LMNTD1: variants seen among roughly 807,000 people sequenced by gnomAD.
LMNTD1 encodes the protein lamin tail domain-containing protein 1.
Under a neutral mutation model 50.9 loss-of-function variants are expected in LMNTD1, and 35 were observed. That is an observed-to-expected ratio of 0.69 (90% CI 0.53 to 0.91). The LOEUF (loss-of-function observed/expected upper bound fraction) is 0.91, where lower values mean the gene tolerates loss of function less well. Ranked by LOEUF, LMNTD1 falls within the 40% of genes least tolerant of loss-of-function variation. LMNTD1 has a pLI of 0.00. For missense variants in LMNTD1, 470 were observed against 475.5 expected, an observed-to-expected ratio of 0.99 and a Z score of 0.11; for synonymous variants, 153 against 161.9, an observed-to-expected ratio of 0.94 and a Z score of 0.42.
At chr12:25,486,579 T>C (rs1323100432) in intron 9 of LMNTD1, among the ~76,000 whole-genome samples, 2 of 145,946 alleles carry the variant, frequency 1.4e-5, no homozygotes, top group Admixed American at 7.0e-5. Flanking sequence ...CCCTGTCTTG[T>C]GCCAGTTTTC....
chr12:25,534,184 C>T (rs1464413931), intron 4 of LMNTD1, among the ~76,000 whole-genome samples: 1 of 151,996 alleles, frequency 6.6e-6, no homozygotes, highest in African/African-American at 2.4e-5. Flanking sequence ...AAACAAATCC[C>T]TAGAGATAGT....
intron 4 of LMNTD1, among the ~76,000 whole-genome samples, chr12:25,530,764 A>G (rs1184558922): frequency 6.6e-6 from 1 of 152,208 alleles, no homozygotes; most frequent in Non-Finnish European, 1.5e-5. Context: ...AGCTGTCCAA[A>G]GATGTCTATC....
intron 1 of LMNTD1, among the ~76,000 whole-genome samples, chr12:25,646,230 G>A (rs1947067926): frequency 6.6e-6 from 1 of 151,450 alleles, no homozygotes; most frequent in Admixed American, 6.6e-5. Context: ...CAGGCCTGTT[G>A]TTCATTGACA....
chr12:25,502,048 A>C (rs1342790538), intron 9 of LMNTD1, among the ~76,000 whole-genome samples: 1 of 152,212 alleles, frequency 6.6e-6, no homozygotes, highest in Non-Finnish European at 1.5e-5. Flanking sequence ...TTTTTTAAAA[A>C]ATCAAAGCTA....
chr12:25,567,752 G>A (rs1392245031), intron 1 of LMNTD1, among the ~76,000 whole-genome samples: 1 of 152,058 alleles, frequency 6.6e-6, no homozygotes, highest in African/African-American at 2.4e-5. Flanking sequence ...CACCATGATT[G>A]TAAGTTCCCT....
intron 1 of LMNTD1, among the ~76,000 whole-genome samples, chr12:25,594,577 A>C (rs1945791525): frequency 6.7e-6 from 1 of 150,276 alleles, no homozygotes; most frequent in Non-Finnish European, 1.5e-5. Flanking sequence ...TAAATCTTGA[A>C]ACAAATCCTG....
chr12:25,529,153 T>G (rs560270220), intron 4 of LMNTD1, among the ~76,000 whole-genome samples: 1 of 152,266 alleles, frequency 6.6e-6, no homozygotes, highest in South Asian at 2.1e-4. Context: ...CTGTTTTGCC[T>G]CTATCAGTTT....
intron 8 of LMNTD1, among the ~76,000 whole-genome samples, chr12:25,509,177 G>A (rs1431490788): frequency 2.0e-5 from 3 of 152,066 alleles, no homozygotes; most frequent in Non-Finnish European, 2.9e-5. Flanking sequence ...GCGTGATCTC[G>A]GCTCACTGCA....
At chr12:25,506,703 C>T (rs1243381411) in intron 8 of LMNTD1, among the ~76,000 whole-genome samples, 1 of 150,556 alleles carries the variant, frequency 6.6e-6, no homozygotes, top group Non-Finnish European at 1.5e-5. Flanking sequence ...TGTGCTCTAA[C>T]AGCTCCTGGT....
intron 1 of LMNTD1, among the ~76,000 whole-genome samples, chr12:25,563,969 G>A (rs1194214001): frequency 6.6e-6 from 1 of 152,180 alleles, no homozygotes; most frequent in African/African-American, 2.4e-5. Flanking sequence ...ATCTCCTGGT[G>A]TGCCGTTTGC....
chr12:25,546,339 C>T, intron 4 of LMNTD1, 35 bp downstream of exon 4: 1 of 1,385,716 alleles, frequency 7.2e-7, no homozygotes, highest in Non-Finnish European at 9.7e-7. Flanking sequence ...CCTACCCCGA[C>T]AGAAGATACT....
At position 25,562,505 on chromosome 12, in the gene LMNTD1, G is replaced by A. The variant is rs181805267; in HGVS notation, c.59-15951C>T. 3.2e-3 allele frequency among the ~76,000 whole-genome samples: 490 copies of A among 152,334 alleles called. 1 individual carries two copies. The highest frequency in any genetic ancestry group is 5.5e-3 in the Non-Finnish European group (372 of 68,030). On this transcript the variant is annotated intron_variant, in intron 1 of 7. Transcript: ENST00000445693. ...TTGGAGAGTTTCTGCGGGGACATCC[G>A]CTGTTAGTCTGATGGGCTTCCCTTT...
At chr12:25,645,029 C>A (rs555555338) in intron 1 of LMNTD1, among the ~76,000 whole-genome samples, 19 of 152,270 alleles carry the variant, frequency 1.2e-4, no homozygotes, top group African/African-American at 4.1e-4. Flanking sequence ...TTCAAAGACT[C>A]AAAGGGGAAC....
chr12:25,506,409 A>G (rs542168425), intron 8 of LMNTD1, among the ~76,000 whole-genome samples: 1 of 152,338 alleles, frequency 6.6e-6, no homozygotes, highest in South Asian at 2.1e-4. Context: ...AAGCGCATTC[A>G]ACCATGAACA....
Position 25,526,869 on chromosome 12 carries a change from G to C in LMNTD1, c.578C>G (p.Ala193Gly), listed in dbSNP as rs1208340240. ...TTGCTGGAGAATATGATCTCCAATT[G>C]CCATTTCTTTGTCAAGGGAAGAGTT... is the stretch of plus-strand genomic sequence containing the variant. Reference protein sequence around the residue: ...LINSSLDKEMAIGDHILQQNV... With the variant: ...LINSSLDKEMGIGDHILQQNV... The change falls in exon 5 of 10, where the codon GCA becomes GGA. Residue 193 changes from alanine (A) to glycine (G), a missense_variant. Physicochemically the swap from Ala to Gly is moderately conservative, Grantham distance 60. Transcript: ENST00000458174. 6.2e-7 allele frequency: 1 copy of C among 1,612,634 alleles called. No individual in the cohort carries two copies. The highest frequency in any genetic ancestry group is 2.2e-5 in the East Asian group (1 of 44,846).
At chr12:25,530,558 A>G (rs1942150341) in intron 4 of LMNTD1, among the ~76,000 whole-genome samples, 2 of 152,218 alleles carry the variant, frequency 1.3e-5, no homozygotes, top group Admixed American at 6.5e-5. Context: ...TTAGTCAAAC[A>G]GCCAGTTTCT....
chr12:25,630,370 C>T (rs568005794), intron 1 of LMNTD1, among the ~76,000 whole-genome samples: 18 of 152,022 alleles, frequency 1.2e-4, no homozygotes, highest in Non-Finnish European at 1.2e-4. Context: ...TGTGGAGGTT[C>T]GCATTGTGAA....
chr12:25,628,100 T>C (rs1292935377), intron 1 of LMNTD1, among the ~76,000 whole-genome samples: 1 of 67,590 alleles, frequency 1.5e-5, no homozygotes, highest in African/African-American at 6.3e-5. Context: ...AGAGTGAAAC[T>C]CCGTCTCAAA....
At chr12:25,634,417 A>G (rs934555458) in intron 1 of LMNTD1, among the ~76,000 whole-genome samples, 7 of 152,354 alleles carry the variant, frequency 4.6e-5, no homozygotes, top group Non-Finnish European at 7.3e-5. Flanking sequence ...CTTGATGAAC[A>G]TAGATGCTAA....
Sources: allele counts gnomAD v4.1 joint callset (sites outside exome capture counted in the v4.1 genomes callset), GRCh38; gene constraint gnomAD v4.1.1; transcripts MANE v1.5; gene names NCBI Gene and HGNC (gene_info 2026-07-23, HGNC 2026-07-21).